DNAJC5B: variants seen among roughly 807,000 people sequenced by gnomAD.
DNAJC5B encodes DnaJ heat shock protein family (Hsp40) member C5 beta.
DNAJC5B carries 23 observed loss-of-function variants against 24.7 expected under a neutral mutation model. The ratio of observed to expected loss-of-function variants is 0.93; its 90% CI spans 0.67 to 1.32. The LOEUF is 1.32. Among genes scored for constraint, DNAJC5B ranks in the 40% most tolerant of loss-of-function variants. DNAJC5B has a pLI of 0.00. For synonymous variants in DNAJC5B, 101 were observed against 90.1 expected (o/e 1.12, Z -0.68); for missense variants, 238 against 240.8 (o/e 0.99, Z 0.08).
At chr8:66,051,832 A>C (rs934806231) in intron 3 of DNAJC5B, among the ~76,000 whole-genome samples, 166 bp downstream of exon 3, 7 of 152,222 alleles carry the variant, frequency 4.6e-5, no homozygotes, top group Non-Finnish European at 1.5e-5. Context: ...AAGGCATGAC[A>C]GTGATTTTAT....
At chr8:66,049,011 C>T (rs1392722566) in intron 2 of DNAJC5B, among the ~76,000 whole-genome samples, 4 of 152,220 alleles carry the variant, frequency 2.6e-5, no homozygotes, top group Non-Finnish European at 4.4e-5. Context: ...TTCTCTGACC[C>T]TGAACACTAG....
At chr8:66,042,264 T>C (rs1806626091) in intron 1 of DNAJC5B, among the ~76,000 whole-genome samples, 1 of 152,228 alleles carries the variant, frequency 6.6e-6, no homozygotes, top group Non-Finnish European at 1.5e-5. Flanking sequence ...AATACTGCAC[T>C]TTCTCTTTGA....
intron 5 of DNAJC5B, among the ~76,000 whole-genome samples, chr8:66,096,976 G>A (rs1488158230): frequency 3.3e-5 from 5 of 152,100 alleles, no homozygotes; most frequent in South Asian, 2.1e-4. Context: ...CTCACTACCC[G>A]TGTAACCTTG....
chr8:66,061,766 G>T (rs1807087689), intron 3 of DNAJC5B, among the ~76,000 whole-genome samples: 1 of 152,100 alleles, frequency 6.6e-6, no homozygotes, highest in South Asian at 2.1e-4. Flanking sequence ...CTTTGCATCT[G>T]TTTAATCTTA....
chr8:66,039,487 T>C (rs908873548), intron 1 of DNAJC5B, among the ~76,000 whole-genome samples: 7 of 152,076 alleles, frequency 4.6e-5, no homozygotes, highest in Non-Finnish European at 8.8e-5. Flanking sequence ...TAGGTGGGAT[T>C]ATAGGTGCCC....
Position 66,100,794 on chromosome 8 carries a change from G to A in DNAJC5B, c.*763G>A, listed in dbSNP as rs1039879618. On this transcript the variant is annotated 3_prime_UTR_variant, in exon 6 of 6. Coordinates refer to ENST00000276570, the MANE Select transcript of DNAJC5B (RefSeq NM_033105.6). The stretch of plus-strand genomic sequence containing the variant: ...AACTGGCTCAGATTAGCCAGACTAA[G>A]GGAAAAAAAACAGATGAAGGGGTAG... Among the ~76,000 whole-genome samples, 4 of 151,836 alleles carry A rather than the reference G, an allele frequency of 2.6e-5. No homozygotes were observed. Among genetic ancestry groups the A allele is most frequent in the African/African-American group, 9.7e-5 (4 of 41,288 alleles).
chr8:66,046,085 C>T (rs766455484), intron 2 of DNAJC5B, among the ~76,000 whole-genome samples: 59 of 152,230 alleles, frequency 3.9e-4, no homozygotes, highest in South Asian at 2.1e-3. Context: ...GTTCCTGTAG[C>T]CCTGAGCCAC....
In DNAJC5B at chr8:66,080,483, C is replaced by A; in HGVS notation, c.440C>A (p.Pro147Gln). 6.2e-7 allele frequency: 1 copy of A among 1,613,908 alleles called. No homozygotes were observed. The change falls in exon 5 of 6, where the codon CCA becomes CAA. Residue 147 changes from proline to glutamine, a missense_variant. Coordinates refer to ENST00000276570, the MANE Select transcript of DNAJC5B (RefSeq NM_033105.6). ...CACTGCCGGCCCGAGTCATCAGTGC[C>A]AGAAGAGGACTTCTATGTGTCCCCA... ...CGHCRPESSVPEEDFYVSPED... is the reference protein window; with the variant it reads ...CGHCRPESSVQEEDFYVSPED...
At chr8:66,049,775 G>A (rs1309220956) in intron 2 of DNAJC5B, among the ~76,000 whole-genome samples, 1 of 152,176 alleles carries the variant, frequency 6.6e-6, no homozygotes, top group Non-Finnish European at 1.5e-5. Flanking sequence ...GATCCAAGTA[G>A]GAAGCAATCA....
At chr8:66,076,517 G>C in intron 3 of DNAJC5B, 143 bp from the exon 4 acceptor site, 1 of 841,378 alleles carries the variant, frequency 1.2e-6, no homozygotes, top group Non-Finnish European at 1.9e-6. Flanking sequence ...AAATGTACTT[G>C]TTAATCACCG....
intron 2 of DNAJC5B, among the ~76,000 whole-genome samples, chr8:66,045,917 T>G (rs1471375217): frequency 6.6e-6 from 1 of 152,162 alleles, no homozygotes; most frequent in East Asian, 1.9e-4. Context: ...CAGACATTGG[T>G]GTACCCAGTA....
At chr8:66,017,045 T>G (rs1405758061), upstream of DNAJC5B, among the ~76,000 whole-genome samples, 1 of 152,176 alleles carries the variant, frequency 6.6e-6, no homozygotes, top group Non-Finnish European at 1.5e-5. Context: ...ATATATAACT[T>G]TCTGTTCTTC....
At chr8:66,085,905 A>G (rs1253839518) in intron 5 of DNAJC5B, among the ~76,000 whole-genome samples, 1 of 152,128 alleles carries the variant, frequency 6.6e-6, no homozygotes, top group Non-Finnish European at 1.5e-5. Flanking sequence ...CATCTTTACT[A>G]TGTTGAATAT....
intron 1 of DNAJC5B, among the ~76,000 whole-genome samples, chr8:66,028,968 T>C (rs1237140146): frequency 3.3e-5 from 5 of 152,208 alleles, no homozygotes; most frequent in Non-Finnish European, 7.3e-5. Context: ...CATTTATCCA[T>C]TCTTCCCCAC....
chr8:66,037,842 T>C (rs1198708036), intron 1 of DNAJC5B, among the ~76,000 whole-genome samples: 1 of 152,214 alleles, frequency 6.6e-6, no homozygotes, highest in African/African-American at 2.4e-5. Context: ...GGGGAGAACG[T>C]ATATCTATAA....
In DNAJC5B at chr8:66,023,159, A is replaced by G. The variant is rs559734030; in HGVS notation, c.-142+1454A>G. Among the ~76,000 whole-genome samples, 70 of 152,236 alleles carry G rather than the reference A, an allele frequency of 4.6e-4. 1 individual carries two copies. Among genetic ancestry groups the G allele is most frequent in the Non-Finnish European group, 8.4e-4 (57 of 68,038 alleles). On this transcript the variant is annotated intron_variant, in intron 1 of 5. Coordinates refer to ENST00000276570, the MANE Select transcript of DNAJC5B (RefSeq NM_033105.6). The stretch of plus-strand genomic sequence containing the variant: ...AGAAGTGTCTCAGCTAAGGGTATCA[A>G]GCTAGTTAGTGCTGGGGACTAAAGT...
chr8:66,027,862 C>T (rs1009687905), intron 1 of DNAJC5B, among the ~76,000 whole-genome samples: 1 of 152,170 alleles, frequency 6.6e-6, no homozygotes, highest in African/African-American at 2.4e-5. Flanking sequence ...CAGTTTCAAT[C>T]CCGTTTGTAT....
At chr8:66,021,276 G>A (rs561691358), upstream of DNAJC5B, among the ~76,000 whole-genome samples, 10 of 152,230 alleles carry the variant, frequency 6.6e-5, no homozygotes, top group South Asian at 1.4e-3. Context: ...GTCACTAGCC[G>A]GTCTTCTAGG....
intron 3 of DNAJC5B, among the ~76,000 whole-genome samples, chr8:66,073,815 T>C (rs1035630873): frequency 1.3e-5 from 2 of 152,028 alleles, no homozygotes; most frequent in African/African-American, 2.4e-5. Flanking sequence ...TCCAGCACAT[T>C]AAAATGTCAG....
Sources: gnomAD v4.1 joint callset for allele counts (sites outside exome capture counted in the v4.1 genomes callset) on GRCh38, gnomAD v4.1.1 for gene constraint, MANE v1.5 for transcripts, NCBI Gene and HGNC (gene_info 2026-07-23, HGNC 2026-07-21) for gene names.